ATAD2B: variants seen among roughly 807,000 people sequenced by gnomAD.
ATAD2B encodes ATPase family AAA domain containing 2B.
A neutral mutation model predicts 167.6 loss-of-function variants in ATAD2B; 40 were observed. That is an observed-to-expected ratio of 0.24 (90% confidence interval 0.19 to 0.31). The LOEUF (loss-of-function observed/expected upper bound fraction) is 0.31. ATAD2B is among the 10% of genes least tolerant of loss of function. The pLI, the probability that ATAD2B is intolerant of heterozygous loss-of-function variation, is 1.00. For missense variants in ATAD2B, 1,242 were observed against 1,757.2 expected (o/e 0.71, Z 5.24); for synonymous variants, 579 against 596.5 (o/e 0.97, Z 0.43).
the ATAD2B span, among the ~76,000 whole-genome samples, chr2:23,710,753 T>TA: frequency 6.6e-6 from 1 of 152,222 alleles, no homozygotes; most frequent in Non-Finnish European, 1.5e-5. Context: ...ACATTGCCGT[T>TA]ACGTTGTATT....
chr2:23,899,766 T>G (rs1700576546), intron 1 of ATAD2B, among the ~76,000 whole-genome samples: 2 of 151,720 alleles, frequency 1.3e-5, no homozygotes, highest in Admixed American at 1.3e-4. Flanking sequence ...AATTTTTGTA[T>G]TTTTACTAGA....
intron 20 of ATAD2B, 178 bp downstream of exon 20, chr2:23,788,334 C>A: frequency 1.5e-6 from 1 of 648,330 alleles, no homozygotes; most frequent in Non-Finnish European, 2.6e-6. Flanking sequence ...CAAGGCTATA[C>A]TTCCCAATCT....
chr2:23,917,087 T>C (rs1199413176), intron 1 of ATAD2B, among the ~76,000 whole-genome samples: 4 of 152,266 alleles, frequency 2.6e-5, no homozygotes, highest in Non-Finnish European at 4.4e-5. Flanking sequence ...CCTGGACTTC[T>C]ATGATTTTGC....
chr2:23,697,752 G>A, the ATAD2B span: 1 of 152,228 alleles, frequency 6.6e-6, no homozygotes, highest in South Asian at 2.1e-4. Context: ...ACGTGAAAAT[G>A]AGGATATTAC....
the ATAD2B span, chr2:23,703,644 G>A: frequency 2.7e-5 from 39 of 1,443,346 alleles, no homozygotes; most frequent in Admixed American, 2.2e-4. Context: ...TTCCCTGGAG[G>A]GTCTTCTGGG....
chr2:23,835,311 C>A (rs1292260324), intron 13 of ATAD2B, among the ~76,000 whole-genome samples: 2 of 152,162 alleles, frequency 1.3e-5, no homozygotes, highest in Admixed American at 1.3e-4. Context: ...TATATCCATA[C>A]AATGGAACAG....
At chr2:23,819,399 G>A (rs946835935) in intron 17 of ATAD2B, among the ~76,000 whole-genome samples, 1 of 151,310 alleles carries the variant, frequency 6.6e-6, no homozygotes, top group African/African-American at 2.4e-5. Context: ...GCTGAGGTAC[G>A]AGAATAGCTT....
At chr2:23,711,407 C>G in the ATAD2B span, among the ~76,000 whole-genome samples, 1 of 111,052 alleles carries the variant, frequency 9.0e-6, no homozygotes, top group Non-Finnish European at 1.6e-5. Context: ...ACTCTGTTGC[C>G]CAGGCTGGAT....
At chr2:23,700,178 T>A in the ATAD2B span, among the ~76,000 whole-genome samples, 2 of 152,212 alleles carry the variant, frequency 1.3e-5, no homozygotes, top group African/African-American at 4.8e-5. This position sits in a 1 kb window ranked among gnomAD's most constrained non-coding sequence, Gnocchi z 4.6. Flanking sequence ...TCCTTCCTAT[T>A]TTAGCATGTA....
the ATAD2B span, among the ~76,000 whole-genome samples, chr2:23,682,606 C>T: frequency 6.6e-6 from 1 of 152,146 alleles, no homozygotes; most frequent in African/African-American, 2.4e-5. This position sits in a 1 kb window ranked among gnomAD's most constrained non-coding sequence, Gnocchi z 4.1. Flanking sequence ...CCGCCCACCG[C>T]CTCATTGTGT....
intron 6 of ATAD2B, among the ~76,000 whole-genome samples, chr2:23,884,258 G>C (rs888392091): frequency 1.3e-5 from 2 of 152,150 alleles, no homozygotes; most frequent in African/African-American, 4.8e-5. Context: ...GCCCTACAAG[G>C]TCAGTCTGGG....
chr2:23,738,884 G>C, the ATAD2B span, among the ~76,000 whole-genome samples: 93 of 152,086 alleles, frequency 6.1e-4, no homozygotes, highest in African/African-American at 2.1e-3. Flanking sequence ...AACAAAAAAA[G>C]GCAGGGGTTG....
the ATAD2B span, among the ~76,000 whole-genome samples, chr2:23,737,079 CT>C: frequency 6.6e-6 from 1 of 152,354 alleles, no homozygotes; most frequent in South Asian, 2.1e-4. Flanking sequence ...CCCACCACAG[CT>C]AAAGGAGGCC....
intron 22 of ATAD2B, among the ~76,000 whole-genome samples, chr2:23,767,976 T>G (rs1677705259): frequency 6.6e-6 from 1 of 151,710 alleles, no homozygotes; most frequent in Non-Finnish European, 1.5e-5. Flanking sequence ...AGAGTTCAGC[T>G]TCAGGCATTT....
intron 7 of ATAD2B, among the ~76,000 whole-genome samples, chr2:23,877,014 C>G (rs1156689612): frequency 6.7e-6 from 1 of 148,946 alleles, no homozygotes; most frequent in Non-Finnish European, 1.5e-5. Context: ...TTGCAGTGAG[C>G]CAAGATCGTG....
chr2:23,882,025 A>T (rs1214111530), intron 6 of ATAD2B, among the ~76,000 whole-genome samples: 2 of 145,014 alleles, frequency 1.4e-5, no homozygotes, highest in Non-Finnish European at 3.0e-5. Flanking sequence ...ATTATTTTTT[A>T]AAAATGATTT....
At chr2:23,745,681 G>C (rs1674841279), downstream of ATAD2B, among the ~76,000 whole-genome samples, 1 of 152,166 alleles carries the variant, frequency 6.6e-6, no homozygotes, top group Middle Eastern at 3.2e-3. Flanking sequence ...TCCCACAGTT[G>C]CTGTGATAAT....
the ATAD2B span, among the ~76,000 whole-genome samples, chr2:23,687,504 C>CAA: frequency 3.3e-5 from 5 of 152,208 alleles, no homozygotes; most frequent in Non-Finnish European, 7.3e-5. Flanking sequence ...CGTCACTCAG[C>CAA]AAACACACAG....
intron 4 of ATAD2B, among the ~76,000 whole-genome samples, chr2:23,887,095 T>A (rs556028425): frequency 1.3e-4 from 20 of 152,202 alleles, no homozygotes; most frequent in Admixed American, 9.8e-4. Context: ...AAACCCCGTC[T>A]TTACTAAAAA....
Sources: allele counts gnomAD v4.1 joint callset (sites outside exome capture counted in the v4.1 genomes callset), GRCh38; gene constraint gnomAD v4.1.1; non-coding constraint Gnocchi (gnomAD v3.1); transcripts MANE v1.5; gene names NCBI Gene and HGNC (gene_info 2026-07-23, HGNC 2026-07-21).